Variants in FHOD1 observed in about 807,000 individuals in gnomAD.
The protein encoded by FHOD1 is formin homology 2 domain containing 1, also known as FH1/FH2 domain-containing protein 1.
FHOD1 carries 89 observed loss-of-function variants against 111.6 expected under a neutral mutation model. The observed-to-expected ratio is 0.80, with a 90% CI of 0.67 to 0.95. The LOEUF is 0.95. Ranked by LOEUF, FHOD1 falls within the 40% of genes least tolerant of loss-of-function variation. The probability of loss-of-function intolerance (pLI) is 0.00; values close to 1 mark genes in which losing one functional copy is unlikely to be tolerated. For synonymous variants in FHOD1, 618 were observed against 639.0 expected, an observed-to-expected ratio of 0.97 and a Z score of 0.50; for missense variants, 1,446 against 1,554.2, an observed-to-expected ratio of 0.93 and a Z score of 1.17.
In FHOD1 at chr16:67,238,823, G is replaced by T. The variant is rs921133273; in HGVS notation, c.373+80C>A. 3 of 1,402,118 alleles carry T rather than the reference G, an allele frequency of 2.1e-6. No homozygotes were observed. The highest frequency in any genetic ancestry group is 1.4e-5 in the African/African-American group (1 of 70,856). 86.9% of individuals were successfully genotyped at this position (1,402,118 alleles called of 1,614,324 possible). On this transcript the variant is annotated intron_variant, in intron 3 of 21. Coordinates refer to ENST00000258201, the MANE Select transcript of FHOD1 (RefSeq NM_013241.3). This position sits in a 1 kb window ranked among gnomAD's most constrained non-coding sequence, Gnocchi z 4.2. ...TACAGCTAAACCTACTTTGCTCACT[G>T]TTCAGCACAGGCCTGAAGGTGAGCC...
chr16:67,247,188 A>C, intron 1 of FHOD1, 22 bp downstream of exon 1: 2 of 1,520,640 alleles, frequency 1.3e-6, no homozygotes, highest in South Asian at 1.2e-5. Context: ...GATCGCCCCA[A>C]CCTTTCTCCG....
Position 67,231,048 on chromosome 16 carries a change from A to G in FHOD1, c.2667+140T>C. 3 of 1,127,896 alleles carry G rather than the reference A, an allele frequency of 2.7e-6. No homozygotes were observed. Among genetic ancestry groups the G allele is most frequent in the Non-Finnish European group, 3.8e-6 (3 of 798,716 alleles). The allele number at this position is 1,127,896 out of a possible 1,614,324, so 69.9% of individuals were successfully genotyped here. A position where few individuals can be genotyped will look rare whatever the true frequency, so the allele number is the denominator to read the frequency against. On this transcript the variant is annotated intron_variant, in intron 17 of 21. Coordinates refer to ENST00000258201, the MANE Select transcript of FHOD1 (RefSeq NM_013241.3). This position sits in a 1 kb window ranked among gnomAD's most constrained non-coding sequence, Gnocchi z 4.3. Reference sequence around the variant, plus strand: ...CAATAGAGGAAAGAGCATTTCTGGCAGAGGGCATAGCTCACACCCAGGTGG... The same window carrying G: ...CAATAGAGGAAAGAGCATTTCTGGCGGAGGGCATAGCTCACACCCAGGTGG...
Position 67,238,270 on chromosome 16 carries a change from T to C in FHOD1, c.479A>G (p.Glu160Gly). 6.2e-7 allele frequency: 1 copy of C among 1,614,122 alleles called. No homozygotes were observed. The highest frequency in any genetic ancestry group is 8.5e-7 in the Non-Finnish European group (1 of 1,180,018). ...KDLVPEFVHS[E>G]GLSCLIRVGA... ...CACACGGATCAGGCAGCTCAGCCCCTCTGAATGCACAAATTCAGGCACCAG... is the reference window on the plus strand; with the variant it reads ...CACACGGATCAGGCAGCTCAGCCCCCCTGAATGCACAAATTCAGGCACCAG... Residue 160 changes from glutamate (E) to glycine (G), a missense_variant, in exon 5 of 22, where the codon GAG becomes GGG. Coordinates refer to ENST00000258201, the MANE Select transcript of FHOD1 (RefSeq NM_013241.3). This position sits in a 1 kb window ranked among gnomAD's most constrained non-coding sequence, Gnocchi z 4.2.
intron 2 of FHOD1, 56 bp downstream of exon 2, chr16:67,239,292 C>G: frequency 1.5e-6 from 2 of 1,356,756 alleles, no homozygotes; most frequent in South Asian, 2.3e-5. Context: ...GACATTTGAG[C>G]TAGCCCCTGG....
chr16:67,230,627 C>T lies in FHOD1; in HGVS notation c.2832G>A (p.Arg944=), dbSNP rs111846078. ...DQCARRVAML[R]IVHRRVCNRF... Reference sequence around the variant, plus strand: ...TATTGCAGACACGGCGGTGCACTATCCTTAGCATGGCAACACGGCGGGCAC... The same window carrying T: ...TATTGCAGACACGGCGGTGCACTATTCTTAGCATGGCAACACGGCGGGCAC... The change falls in exon 18 of 22, where the codon AGG becomes AGA. Residue 944 remains arginine (R), a synonymous_variant. Transcript: ENST00000258201. The T allele has an allele frequency of 4.1e-4, 666 of 1,614,096 alleles. 5 individuals carry two copies. The African/African-American group carries it at 7.4e-3, about 18-fold the overall frequency.
In FHOD1 at chr16:67,237,830, G is replaced by T; in HGVS notation, c.643-62C>A. 1 of 1,470,484 alleles carries T rather than the reference G, an allele frequency of 6.8e-7. No homozygotes were observed. The highest frequency in any genetic ancestry group is 9.5e-7 in the Non-Finnish European group (1 of 1,051,006). 91.1% of individuals were successfully genotyped at this position (1,470,484 alleles called of 1,614,324 possible). On this transcript the variant is annotated intron_variant, in intron 6 of 21. Coordinates refer to ENST00000258201, the MANE Select transcript of FHOD1 (RefSeq NM_013241.3). The surrounding 1 kb of genome is among the most constrained non-coding windows in gnomAD (Gnocchi z 5.6). ...GGCCAGACCTGTGCCAGCTGTTGCT[G>T]GGGAAGGGGAAGGGCTGCTGGGGCT...
chr16:67,237,773 GGA>G lies in FHOD1; in HGVS notation c.643-7_643-6del, dbSNP rs2034546680. The G allele has an allele frequency of 6.2e-7, 1 of 1,612,968 alleles. No homozygotes were observed. Among genetic ancestry groups the G allele is most frequent in the East Asian group, 2.2e-5 (1 of 44,872 alleles). On this transcript the variant is annotated splice_region_variant and splice_polypyrimidine_tract_variant and intron_variant, in intron 6 of 21. Transcript: ENST00000258201. The surrounding 1 kb of genome is among the most constrained non-coding windows in gnomAD (Gnocchi z 5.6). Reference sequence around the variant, plus strand: ...TGTCTTCACCACCAAGCGGGACTGAGGAGAGAGGTCAGTACATATGAGTGGGG... The same window carrying G: ...TGTCTTCACCACCAAGCGGGACTGAGGAGAGGTCAGTACATATGAGTGGGG...
chr16:67,230,153 C>T lies in FHOD1; in HGVS notation c.3127G>A (p.Gly1043Ser), dbSNP rs983111425. ...GCATGACTGTCAGCATCTCCCCGGC[C>T]TGGCCCGCTGCTCACTGCTACTGGG... ...SVPVAVSSGP[G>S]RGDADSHASM... The change falls in exon 20 of 22, where the codon GGC (glycine) becomes AGC (serine). Residue 1043 changes from glycine (G) to serine (S), a missense_variant. Physicochemically the swap from Gly to Ser is moderately conservative, Grantham distance 56 (BLOSUM62 0). Coordinates refer to ENST00000258201, the MANE Select transcript of FHOD1 (RefSeq NM_013241.3). 1.9e-6 allele frequency: 3 copies of T among 1,614,098 alleles called. No homozygotes were observed. In the African/African-American group the frequency reaches 4.0e-5, roughly 22 times the overall value.
chr16:67,246,287 C>T (rs2034826105), intron 1 of FHOD1, among the ~76,000 whole-genome samples: 1 of 152,224 alleles, frequency 6.6e-6, no homozygotes, highest in African/African-American at 2.4e-5. Flanking sequence ...CTCTCCTCTT[C>T]TCCAGCACTG....
Position 67,238,826 on chromosome 16 carries a change from C to T in FHOD1, c.373+77G>A, listed in dbSNP as rs2034586736. On this transcript the variant is annotated intron_variant, in intron 3 of 21. Transcript: ENST00000258201. The surrounding 1 kb of genome is among the most constrained non-coding windows in gnomAD (Gnocchi z 4.2). ...AGCTAAACCTACTTTGCTCACTGTT[C>T]AGCACAGGCCTGAAGGTGAGCCAAC... 7.0e-7 allele frequency: 1 copy of T among 1,420,298 alleles called. No individual in the cohort carries two copies. The highest frequency in any genetic ancestry group is 1.0e-6 in the Non-Finnish European group (1 of 1,003,198). The allele number at this position is 1,420,298 out of a possible 1,614,324, so 88.0% of individuals were successfully genotyped here. A position where few individuals can be genotyped will look rare whatever the true frequency, so the allele number is the denominator to read the frequency against.
intron 11 of FHOD1, 153 bp from the exon 12 acceptor site, chr16:67,234,625 C>A (rs77703994): frequency 5.5e-5 from 34 of 621,190 alleles, no homozygotes; most frequent in East Asian, 2.8e-4. Flanking sequence ...CCACACCCCC[C>A]CCAAGGCCAG....
At chr16:67,247,117 C>T (rs1458230509) in intron 1 of FHOD1, 93 bp downstream of exon 1, 6 of 1,364,414 alleles carry the variant, frequency 4.4e-6, no homozygotes, top group Non-Finnish European at 4.9e-6. Context: ...AGAACACTCG[C>T]TCCAGCCTCT....
intron 11 of FHOD1, 103 bp downstream of exon 11, chr16:67,236,454 A>G (rs1195562439): frequency 4.5e-5 from 69 of 1,523,492 alleles, no homozygotes; most frequent in East Asian, 1.2e-4. Context: ...GAGAGAGAGA[A>G]AGCACGCGTT....
Position 67,237,917 on chromosome 16 carries a change from A to G in FHOD1, c.642+117T>C. The stretch of plus-strand genomic sequence containing the variant: ...CCAGGCCCAGGCACTGAAGTGCCTT[A>G]TAGGCTTACAGAGGCCTCAGACTCA... On this transcript the variant is annotated intron_variant, in intron 6 of 21. Coordinates refer to ENST00000258201, the MANE Select transcript of FHOD1 (RefSeq NM_013241.3). The surrounding 1 kb of genome is among the most constrained non-coding windows in gnomAD (Gnocchi z 5.6). 7.5e-7 allele frequency: 1 copy of G among 1,329,188 alleles called. No individual in the cohort carries two copies. Among genetic ancestry groups the G allele is most frequent in the Admixed American group, 1.8e-5 (1 of 56,394 alleles). The allele number at this position is 1,329,188 out of a possible 1,614,324, so 82.3% of individuals were successfully genotyped here. A position where few individuals can be genotyped will look rare whatever the true frequency, so the allele number is the denominator to read the frequency against.
chr16:67,239,554 G>T, intron 1 of FHOD1, 100 bp from the exon 2 acceptor site: 1 of 824,640 alleles, frequency 1.2e-6, no homozygotes, highest in Non-Finnish European at 2.1e-6. Flanking sequence ...GTGGCAGAGA[G>T]ACACAGGGTC....
Position 67,230,435 on chromosome 16 carries a change from C to T in FHOD1, c.2930G>A (p.Cys977Tyr). ...AAREVRIMQF[C>Y]HTLREFALEY... Reference sequence around the variant, plus strand: ...AAGCGCAAATTCCCGCAGCGTGTGGCAGAACTGCATGATGCGCACTTCACG... The same window carrying T: ...AAGCGCAAATTCCCGCAGCGTGTGGTAGAACTGCATGATGCGCACTTCACG... The change falls in exon 19 of 22, where the codon TGC (cysteine) becomes TAC (tyrosine). Residue 977 changes from cysteine to tyrosine, a missense_variant. By Grantham distance (194) the Cys-to-Tyr change is radical (BLOSUM62 -2). Coordinates refer to ENST00000258201, the MANE Select transcript of FHOD1 (RefSeq NM_013241.3). 1 of 1,614,228 alleles carries T rather than the reference C, an allele frequency of 6.2e-7. No individual in the cohort carries two copies. Among genetic ancestry groups the T allele is most frequent in the South Asian group, 1.1e-5 (1 of 91,086 alleles).
At chr16:67,239,006 C>G (rs199521667) in intron 2 of FHOD1, 39 bp from the exon 3 acceptor site, 17 of 1,602,420 alleles carry the variant, frequency 1.1e-5, no homozygotes, top group Non-Finnish European at 1.5e-5. Context: ...CCCAGCCTAT[C>G]CCTCAGCATT....
chr16:67,246,921 C>A, intron 1 of FHOD1: 1 of 449,032 alleles, frequency 2.2e-6, no homozygotes, highest in Non-Finnish European at 3.9e-6. Context: ...AGGGAAGCCA[C>A]CCTGGCAGAC....
At position 67,231,774 on chromosome 16, in the gene FHOD1, C is replaced by A; in HGVS notation, c.2248G>T (p.Glu750Ter). Residue 750 changes from glutamate to a stop codon, truncating the protein, a stop_gained, in exon 15 of 22, where the codon GAG becomes TAG. Transcript: ENST00000258201. LOFTEE classifies it high-confidence loss of function. The surrounding 1 kb of genome is among the most constrained non-coding windows in gnomAD (Gnocchi z 4.3). Reference sequence around the variant, plus strand: ...TCAGGGTTGGCCAGCTGGGCTTCCTCAATCTTCTGCCGCTCTTCCTCCGTG... The same window carrying A: ...TCAGGGTTGGCCAGCTGGGCTTCCTAAATCTTCTGCCGCTCTTCCTCCGTG... ...MPTEEERQKI[E>*]EAQLANPDIP... The A allele has an allele frequency of 6.2e-7, 1 of 1,613,992 alleles. No homozygotes were observed. Among genetic ancestry groups the A allele is most frequent in the Non-Finnish European group, 8.5e-7 (1 of 1,179,978 alleles).
Sources: allele counts gnomAD v4.1 joint callset (sites outside exome capture counted in the v4.1 genomes callset), GRCh38; gene constraint gnomAD v4.1.1; non-coding constraint Gnocchi (gnomAD v3.1); transcripts MANE v1.5; gene names NCBI Gene and HGNC (gene_info 2026-07-23, HGNC 2026-07-21).